Variants in PCDHGA7 observed in about 807,000 individuals in gnomAD.
PCDHGA7 encodes the protein protocadherin gamma subfamily A, 7.
PCDHGA7 carries 44 observed loss-of-function variants against 58.3 expected under a neutral mutation model. That is an observed-to-expected ratio of 0.75 (90% CI 0.59 to 0.97). The LOEUF is 0.97. PCDHGA7 is among the 50% of genes least tolerant of loss of function. PCDHGA7 has a pLI of 0.00. For synonymous variants in PCDHGA7, 516 were observed against 504.2 expected (o/e 1.02, Z -0.31); for missense variants, 1,266 against 1,188.7 (o/e 1.06, Z -0.96).
chr5:141,393,348 T>C (rs754496387), intron 1 of PCDHGA7: 16 of 1,613,730 alleles, frequency 9.9e-6, no homozygotes, highest in Non-Finnish European at 1.4e-5. Context: ...TCACCACTTC[T>C]CCCTGGACGT....
At chr5:141,421,508 A>C in intron 1 of PCDHGA7, 1 of 1,614,046 alleles carries the variant, frequency 6.2e-7, no homozygotes, top group Non-Finnish European at 8.5e-7. Context: ...ATAGACCGGG[A>C]GGAGCTCTGT....
chr5:141,478,847 AAC>A (rs2099480409), intron 1 of PCDHGA7: 1 of 1,389,782 alleles, frequency 7.2e-7, no homozygotes, highest in South Asian at 1.5e-5. Context: ...GTTAAGCTAA[AAC>A]ACAAGATCTC....
At chr5:141,392,802 A>C in intron 1 of PCDHGA7, 2 of 1,572,582 alleles carry the variant, frequency 1.3e-6, no homozygotes, top group Non-Finnish European at 1.7e-6. Flanking sequence ...AGGATTCTGC[A>C]GCAAAACAAC....
chr5:141,384,981 G>T lies in PCDHGA7; in HGVS notation c.2082G>T (p.Val694=), dbSNP rs1780732379. The T allele has an allele frequency of 6.2e-7, 1 of 1,614,142 alleles. No homozygotes were observed. Among genetic ancestry groups the T allele is most frequent in the Non-Finnish European group, 8.5e-7 (1 of 1,180,038 alleles). The change falls in exon 1 of 4, where the codon GTG becomes GTT. Residue 694 remains valine (V), a synonymous_variant. Transcript: ENST00000518325. The stretch of plus-strand genomic sequence containing the variant: ...ACTATGACCTCACGTTGTACCTGGT[G>T]GTGGCGGTGGCCACAGTCTCCTGCG... ...PYNYDLTLYL[V]VAVATVSCVF...
rs776773140 is a variant in PCDHGA7, at chr5:141,476,589, G to A, written c.2425-18218G>A. 5 of 1,614,246 alleles carry A rather than the reference G, an allele frequency of 3.1e-6. No individual in the cohort carries two copies. Among genetic ancestry groups the A allele is most frequent in the Non-Finnish European group, 4.2e-6 (5 of 1,180,046 alleles). On this transcript the variant is annotated intron_variant, in intron 1 of 3. Coordinates refer to ENST00000518325, the MANE Select transcript of PCDHGA7 (RefSeq NM_018920.4). This position sits in a 1 kb window ranked among gnomAD's most constrained non-coding sequence, Gnocchi z 7.6. ...CCGGGGACGCGCTTTCCGCTCGAGA[G>A]CGCGCACGATCCCGATGTGGGAAGC...
rs1179408656 is a variant in PCDHGA7, at chr5:141,395,537, A to ATTGT, written c.2424+10219_2424+10222dup. 1,010 of 243,944 alleles carry ATTGT rather than the reference A, an allele frequency of 4.1e-3. 17 individuals are homozygous for ATTGT. In the African/African-American group the frequency reaches 0.049, roughly 12 times the overall value. The allele number at this position is 243,944 out of a possible 1,614,324, so 15.1% of individuals were successfully genotyped here. On this transcript the variant is annotated intron_variant, in intron 1 of 3. Coordinates refer to ENST00000518325, the MANE Select transcript of PCDHGA7 (RefSeq NM_018920.4). ...ACCCGTCCATACTGGTAATTTTGCT[A>ATTGT]TTGTTTGTGTGTGTGTGTGTGTGTG... is the stretch of plus-strand genomic sequence containing the variant.
At position 141,384,290 on chromosome 5, in the gene PCDHGA7, A is replaced by T; in HGVS notation, c.1391A>T (p.Asn464Ile). ...TCCTACTCAGTCTACATCGCTGAGAACAACCCCAGAGGGGCCTCCATTTTC... is the reference window on the plus strand; with the variant it reads ...TCCTACTCAGTCTACATCGCTGAGATCAACCCCAGAGGGGCCTCCATTTTC... ...HSSYSVYIAE[N>I]NPRGASIFLV... is the part of the protein sequence containing the mutation. The change falls in exon 1 of 4, where the codon AAC becomes ATC. Residue 464 changes from asparagine to isoleucine, a missense_variant. Coordinates refer to ENST00000518325, the MANE Select transcript of PCDHGA7 (RefSeq NM_018920.4). 6.2e-7 allele frequency: 1 copy of T among 1,613,874 alleles called. No individual in the cohort carries two copies. Among genetic ancestry groups the T allele is most frequent in the Non-Finnish European group, 8.5e-7 (1 of 1,179,890 alleles).
In PCDHGA7 at chr5:141,459,848, C is replaced by T. The variant is rs573481876; in HGVS notation, c.2425-34959C>T. Among the ~76,000 whole-genome samples the T allele has an allele frequency of 1.1e-4, 16 of 152,244 alleles. No homozygotes were observed. In the South Asian group the frequency reaches 2.5e-3, roughly 24 times the overall value. ...TTTCATGTGTTGTCTATTTGTATATCTTCTTGAAGCATTCGTTCATCTTTA... is the reference window on the plus strand; with the variant it reads ...TTTCATGTGTTGTCTATTTGTATATTTTCTTGAAGCATTCGTTCATCTTTA... On this transcript the variant is annotated intron_variant, in intron 1 of 3. Transcript: ENST00000518325.
At chr5:141,392,247 T>C (rs1228504452) in intron 1 of PCDHGA7, 1 of 152,196 alleles carries the variant, frequency 6.6e-6, no homozygotes, top group Non-Finnish European at 1.5e-5. Context: ...TATTTGTTAG[T>C]ATATATTGGA....
In PCDHGA7 at chr5:141,382,919, G is replaced by A. The variant is rs1467219150; in HGVS notation, c.20G>A (p.Gly7Asp). 14 of 1,559,330 alleles carry A rather than the reference G, an allele frequency of 9.0e-6. No homozygotes were observed. Among genetic ancestry groups the A allele is most frequent in the Non-Finnish European group, 1.1e-5 (13 of 1,152,236 alleles). ...ACGACTATGGCGGCTCAGCCGAGGG[G>A]CGGGGACTACAGAGGATTCTTCCTG... MAAQPR[G>D]GDYRGFFLLS... The change falls in exon 1 of 4, where the codon GGC (glycine) becomes GAC (aspartate). Residue 7 changes from glycine (G) to aspartate (D), a missense_variant. Physicochemically the swap from Gly to Asp is moderately conservative, Grantham distance 94. Coordinates refer to ENST00000518325, the MANE Select transcript of PCDHGA7 (RefSeq NM_018920.4).
At chr5:141,389,757 C>T in intron 1 of PCDHGA7, 2 of 1,612,818 alleles carry the variant, frequency 1.2e-6, no homozygotes, top group East Asian at 2.2e-5. Flanking sequence ...GGGCGAAGTG[C>T]GCACAGCGCG....
At chr5:141,498,958 A>T (rs1200201746) in intron 2 of PCDHGA7, among the ~76,000 whole-genome samples, 2 of 123,248 alleles carry the variant, frequency 1.6e-5, no homozygotes, top group Admixed American at 1.8e-4. Flanking sequence ...AAAGAGAGAG[A>T]GGGAGGGAGG....
At position 141,423,482 on chromosome 5, in the gene PCDHGA7, A is replaced by T. The variant is rs553914622; in HGVS notation, c.2424+38159A>T. On this transcript the variant is annotated intron_variant, in intron 1 of 3. Transcript: ENST00000518325. ...GTGGACGGGGTACAGGCTTTCCTGC[A>T]AACCTATTCCCACGAGGTCTCTCTC... is the stretch of plus-strand genomic sequence containing the variant. 1.1e-5 allele frequency: 17 copies of T among 1,613,968 alleles called. No homozygotes were observed. The African/African-American group carries it at 2.3e-4, about 22-fold the overall frequency.
chr5:141,398,832 C>T (rs967769671), intron 1 of PCDHGA7: 3 of 1,614,000 alleles, frequency 1.9e-6, no homozygotes, highest in Non-Finnish European at 1.7e-6. Flanking sequence ...TAACCGACGC[C>T]AATGATAATC....
rs578223384 is a variant in PCDHGA7, at chr5:141,400,070, C to A, written c.2424+14747C>A. 4 of 1,613,804 alleles carry A rather than the reference C, an allele frequency of 2.5e-6. No individual in the cohort carries two copies. The African/African-American group carries it at 4.0e-5, about 16-fold the overall frequency. On this transcript the variant is annotated intron_variant, in intron 1 of 3. Transcript: ENST00000518325. ...GTTGCTGTGCGTGATGGTGGACAGC[C>A]GCCACTCTCCGCCACCGCCACGCTG...
chr5:141,508,994 A>G (rs2099873731), intron 3 of PCDHGA7, among the ~76,000 whole-genome samples: 1 of 152,052 alleles, frequency 6.6e-6, no homozygotes, highest in South Asian at 2.1e-4. Flanking sequence ...CAGCTGGGGT[A>G]GGAGAGGAGG....
At chr5:141,450,004 C>CTTTAT (rs2098662217) in intron 1 of PCDHGA7, among the ~76,000 whole-genome samples, 1 of 75,148 alleles carries the variant, frequency 1.3e-5, no homozygotes, top group Non-Finnish European at 2.3e-5. Flanking sequence ...GTTGCCATGT[C>CTTTAT]TCTTTTTTTT....
chr5:141,485,786 C>A lies in PCDHGA7; in HGVS notation c.2425-9021C>A. On this transcript the variant is annotated intron_variant, in intron 1 of 3. Transcript: ENST00000518325. This position sits in a 1 kb window ranked among gnomAD's most constrained non-coding sequence, Gnocchi z 5.7. ...GGAGAAGCCTTTGGATCGAGAGAAG[C>A]AATCGGACTACCGCCTGGTGCTGAC... 1 of 1,614,208 alleles carries A rather than the reference C, an allele frequency of 6.2e-7. No individual in the cohort carries two copies. The highest frequency in any genetic ancestry group is 1.3e-5 in the African/African-American group (1 of 75,062).
intron 1 of PCDHGA7, among the ~76,000 whole-genome samples, chr5:141,406,446 CTA>C: frequency 6.6e-6 from 1 of 152,200 alleles, no homozygotes; most frequent in Non-Finnish European, 1.5e-5. Context: ...TCTTCCATTT[CTA>C]TGACAGGAAA....
Sources: gnomAD v4.1 joint callset for allele counts (sites outside exome capture counted in the v4.1 genomes callset) on GRCh38, gnomAD v4.1.1 for gene constraint, Gnocchi (gnomAD v3.1) non-coding constraint, MANE v1.5 for transcripts, NCBI Gene and HGNC (gene_info 2026-07-23, HGNC 2026-07-21) for gene names.